TTBK1: variants seen among roughly 807,000 people sequenced by gnomAD.
The protein encoded by TTBK1 is tau-tubulin kinase 1.
TTBK1 carries 34 observed loss-of-function variants against 108.5 expected under a neutral mutation model. The observed-to-expected ratio is 0.31, with a 90% CI of 0.24 to 0.42. The LOEUF (loss-of-function observed/expected upper bound fraction) is 0.42. Among genes scored for constraint, TTBK1 ranks in the 10% least tolerant of loss-of-function variants. TTBK1 has a pLI of 1.00. For synonymous variants in TTBK1, 809 were observed against 795.1 expected (o/e 1.02, Z -0.29); for missense variants, 1,539 against 1,826.0 (o/e 0.84, Z 2.86).
At chr6:43,271,977 C>T in intron 13 of TTBK1, 1 of 984,342 alleles carries the variant, frequency 1.0e-6, no homozygotes, top group Non-Finnish European at 1.2e-6. Context: ...AGGCAGTAGG[C>T]AGGAGAGGGT....
chr6:43,255,540 C>A lies in TTBK1; in HGVS notation c.643-12C>A. On this transcript the variant is annotated splice_polypyrimidine_tract_variant and intron_variant, in intron 7 of 14. Transcript: ENST00000259750. ...CTGAGAGCTGCAGGTGACTCCCTCC[C>A]CCCACCTCCAGGAGATGGGCCGCCA... 2 of 1,587,318 alleles carry A rather than the reference C, an allele frequency of 1.3e-6. No homozygotes were observed. The highest frequency in any genetic ancestry group is 1.7e-6 in the Non-Finnish European group (2 of 1,166,538).
Position 43,284,009 on chromosome 6 carries a change from C to G in TTBK1, c.3269C>G (p.Ala1090Gly). The G allele has an allele frequency of 6.3e-7, 1 of 1,586,122 alleles. No homozygotes were observed. Among genetic ancestry groups the G allele is most frequent in the Non-Finnish European group, 8.6e-7 (1 of 1,165,596 alleles). Residue 1090 changes from alanine (A) to glycine (G), a missense_variant, in exon 14 of 15, where the codon GCG becomes GGG. Ala to Gly is a moderately conservative substitution (Grantham distance 60). Coordinates refer to ENST00000259750, the MANE Select transcript of TTBK1 (RefSeq NM_032538.3). ...SKRARPQQDL[A>G]RLVMEKRQGR... ...CGGGCTCGGCCGCAGCAGGACCTGG[C>G]GCGGCTGGTGATGGAGAAGAGGCAG...
rs1489191559 is a variant in TTBK1, at chr6:43,253,270, A to G, written c.257-21A>G. 3.7e-6 allele frequency: 6 copies of G among 1,613,372 alleles called. No homozygotes were observed. Among genetic ancestry groups the G allele is most frequent in the Non-Finnish European group, 3.4e-6 (4 of 1,179,552 alleles). On this transcript the variant is annotated intron_variant, in intron 3 of 14. Transcript: ENST00000259750. The surrounding 1 kb of genome is among the most constrained non-coding windows in gnomAD (Gnocchi z 5.8). ...AGGAAGAAAGAGTAAGAGCTGGAAG[A>G]CCTATGTCTGTGCCCCTCAGGGAAG...
In TTBK1 at chr6:43,283,436, G is replaced by A; in HGVS notation, c.2696G>A (p.Gly899Glu). ...SVLKSEPKPP[G>E]PGAGLGAGTV... Reference sequence around the variant, plus strand: ...CTCAAGTCTGAGCCCAAGCCCCCGGGGCCTGGGGCAGGGCTGGGGGCCGGG... The same window carrying A: ...CTCAAGTCTGAGCCCAAGCCCCCGGAGCCTGGGGCAGGGCTGGGGGCCGGG... The change falls in exon 14 of 15, where the codon GGG (glycine) becomes GAG (glutamate). Residue 899 changes from glycine to glutamate, a missense_variant. Around this residue, in one of 5 missense-constraint regions of TTBK1, gnomAD observed 1,055 missense variants for 1,086.5 expected, o/e 0.97. Coordinates refer to ENST00000259750, the MANE Select transcript of TTBK1 (RefSeq NM_032538.3). The surrounding 1 kb of genome is among the most constrained non-coding windows in gnomAD (Gnocchi z 8.1). 1 of 1,613,642 alleles carries A rather than the reference G, an allele frequency of 6.2e-7. No homozygotes were observed. The highest frequency in any genetic ancestry group is 8.5e-7 in the Non-Finnish European group (1 of 1,179,808).
At chr6:43,252,192 G>A (rs990034631) in intron 2 of TTBK1, among the ~76,000 whole-genome samples, 1 of 77,938 alleles carries the variant, frequency 1.3e-5, no homozygotes, top group Middle Eastern at 6.1e-3. Flanking sequence ...CTGTGTGTGT[G>A]TGTGTGTGTG....
At chr6:43,249,625 C>T (rs879675191) in intron 2 of TTBK1, among the ~76,000 whole-genome samples, 4 of 151,586 alleles carry the variant, frequency 2.6e-5, no homozygotes, top group Non-Finnish European at 4.4e-5. Flanking sequence ...CGCCCAGGCT[C>T]GAGTGCAGTG....
At chr6:43,252,981 T>G in intron 3 of TTBK1, 95 bp downstream of exon 3, 1 of 1,434,036 alleles carries the variant, frequency 7.0e-7, no homozygotes, top group Non-Finnish European at 9.6e-7. Flanking sequence ...AGGGAGGAGA[T>G]GTCGTGTGGT....
In TTBK1 at chr6:43,282,934, AAGGAGGAAGAGGAGGAGG is replaced by A. The variant is rs752703976; in HGVS notation, c.2205_2222del (p.Glu735_Glu740del). ...TCCTGTTCAGCCTCAGGCTAATGGG[AAGGAGGAAGAGGAGGAGG>A]AGGAGGAAGATGAGGAAGAGGAAGA... On this transcript the variant is annotated inframe_deletion, in exon 14 of 15. Coordinates refer to ENST00000259750, the MANE Select transcript of TTBK1 (RefSeq NM_032538.3). The surrounding 1 kb of genome is among the most constrained non-coding windows in gnomAD (Gnocchi z 5.4). 9 of 1,613,224 alleles carry A rather than the reference AAGGAGGAAGAGGAGGAGG, an allele frequency of 5.6e-6. No individual in the cohort carries two copies. In the East Asian group the frequency reaches 1.8e-4, roughly 32 times the overall value.
chr6:43,272,282 C>G, intron 13 of TTBK1: 9 of 985,494 alleles, frequency 9.1e-6, no homozygotes, highest in Non-Finnish European at 1.1e-5. Context: ...ACTACTCAAC[C>G]CTGAGCACAG....
At chr6:43,275,577 T>C (rs6916038) in intron 13 of TTBK1, among the ~76,000 whole-genome samples, 72,472 of 149,738 alleles carry the variant, frequency 0.48, 20,149 homozygotes, top group African/African-American at 0.78. Flanking sequence ...GTTACCTCAC[T>C]GCCCGTCGGG....
Position 43,282,637 on chromosome 6 carries a change from T to G in TTBK1, c.1987-90T>G. On this transcript the variant is annotated intron_variant, in intron 13 of 14. Transcript: ENST00000259750. This position sits in a 1 kb window ranked among gnomAD's most constrained non-coding sequence, Gnocchi z 5.4. ...CACTCTGGTAGACGACCTGGGCCTG[T>G]GAGTCTCCTAGGTTGTGGGTGCAGC... 1 of 1,111,750 alleles carries G rather than the reference T, an allele frequency of 9.0e-7. No individual in the cohort carries two copies. Among genetic ancestry groups the G allele is most frequent in the Non-Finnish European group, 1.3e-6 (1 of 763,592 alleles). 68.9% of individuals were successfully genotyped at this position (1,111,750 alleles called of 1,614,324 possible). A position where few individuals can be genotyped will look rare whatever the true frequency, so the allele number is the denominator to read the frequency against.
In TTBK1 at chr6:43,263,707, A is replaced by G. The variant is rs1009100440; in HGVS notation, c.1986+357A>G. 1.3e-5 allele frequency among the ~76,000 whole-genome samples: 2 copies of G among 152,216 alleles called. No individual in the cohort carries two copies. Among genetic ancestry groups the G allele is most frequent in the Non-Finnish European group, 2.9e-5 (2 of 68,032 alleles). The stretch of plus-strand genomic sequence containing the variant: ...CTGCAGCAGACAAGGCTGTGAGGTC[A>G]GCCCTGGGCCCTGCCACGGAGGGAC... On this transcript the variant is annotated intron_variant, in intron 13 of 14. Transcript: ENST00000259750. This position sits in a 1 kb window ranked among gnomAD's most constrained non-coding sequence, Gnocchi z 4.7.
In TTBK1 at chr6:43,246,614, G is replaced by A; in HGVS notation, c.-47G>A. ...CCCTCCTCACTCCCCTAGGTAGATG[G>A]CCCCCTCAGGGCAGGCCCGGCGGAC... On this transcript the variant is annotated 5_prime_UTR_variant, in exon 2 of 15. Coordinates refer to ENST00000259750, the MANE Select transcript of TTBK1 (RefSeq NM_032538.3). 1 of 1,487,494 alleles carries A rather than the reference G, an allele frequency of 6.7e-7. No individual in the cohort carries two copies. Among genetic ancestry groups the A allele is most frequent in the Non-Finnish European group, 9.2e-7 (1 of 1,089,310 alleles). The allele number at this position is 1,487,494 out of a possible 1,614,324, so 92.1% of individuals were successfully genotyped here. A position where few individuals can be genotyped will look rare whatever the true frequency, so the allele number is the denominator to read the frequency against.
At chr6:43,284,458 G>A (rs1582528143) in intron 14 of TTBK1, 146 bp downstream of exon 14, 1 of 1,368,122 alleles carries the variant, frequency 7.3e-7, no homozygotes, top group East Asian at 2.7e-5. Flanking sequence ...TCCCAACTGT[G>A]CTCTGCCTCA....
At chr6:43,280,682 G>A (rs942181057) in intron 13 of TTBK1, among the ~76,000 whole-genome samples, 4 of 152,110 alleles carry the variant, frequency 2.6e-5, no homozygotes, top group African/African-American at 9.7e-5. Context: ...ATAAATACAC[G>A]CATGTAGGAC....
In TTBK1 at chr6:43,283,432, C is replaced by T; in HGVS notation, c.2692C>T (p.Pro898Ser). The change falls in exon 14 of 15, where the codon CCG (proline) becomes TCG (serine). Residue 898 changes from proline to serine, a missense_variant. Physicochemically the swap from Pro to Ser is moderately conservative, Grantham distance 74. This residue lies in a region of TTBK1 where 1,055 missense variants were observed against 1,086.5 expected (regional missense o/e 0.97). Coordinates refer to ENST00000259750, the MANE Select transcript of TTBK1 (RefSeq NM_032538.3). This position sits in a 1 kb window ranked among gnomAD's most constrained non-coding sequence, Gnocchi z 8.1. ...TGTCCTCAAGTCTGAGCCCAAGCCC[C>T]CGGGGCCTGGGGCAGGGCTGGGGGC... is the stretch of plus-strand genomic sequence containing the variant. ...SSVLKSEPKP[P>S]GPGAGLGAGT... The T allele has an allele frequency of 1.9e-6, 3 of 1,613,578 alleles. No homozygotes were observed. Among genetic ancestry groups the T allele is most frequent in the Non-Finnish European group, 2.5e-6 (3 of 1,179,774 alleles).
intron 13 of TTBK1, among the ~76,000 whole-genome samples, chr6:43,279,763 T>TGTC (rs913129991): frequency 1.3e-5 from 2 of 151,532 alleles, no homozygotes; most frequent in African/African-American, 4.9e-5. Context: ...AGTTTTTTGT[T>TGTC]GTTGTTGTTG....
At chr6:43,255,927 G>T in intron 9 of TTBK1, 71 bp downstream of exon 9, 1 of 1,583,460 alleles carries the variant, frequency 6.3e-7, no homozygotes, top group Non-Finnish European at 8.6e-7. Flanking sequence ...AGCAGACCTC[G>T]CTCCTGCTGA....
chr6:43,246,526 G>A, intron 1 of TTBK1, 81 bp from the exon 2 acceptor site: 1 of 605,664 alleles, frequency 1.7e-6, no homozygotes, highest in Non-Finnish European at 2.9e-6. Context: ...TGCAGAGCAG[G>A]AGTGGAGCTC....
Sources: gnomAD v4.1 joint callset for allele counts (sites outside exome capture counted in the v4.1 genomes callset) on GRCh38, gnomAD v4.1.1 for gene constraint, gnomAD v4.1.1 regional missense constraint, Gnocchi (gnomAD v3.1) non-coding constraint, MANE v1.5 for transcripts, NCBI Gene and HGNC (gene_info 2026-07-23, HGNC 2026-07-21) for gene names.